KCNG2: variants seen among roughly 807,000 people sequenced by gnomAD.
The protein encoded by KCNG2 is voltage-gated potassium channel regulatory subunit KCNG2.
Under a neutral mutation model 12.3 loss-of-function variants are expected in KCNG2, and 7 were observed. That is an observed-to-expected ratio of 0.57 (90% CI 0.32 to 1.07). The LOEUF is 1.07. Among genes scored for constraint, KCNG2 ranks in the 50% least tolerant of loss-of-function variants. The pLI is 0.04. For synonymous variants in KCNG2, 414 were observed against 351.4 expected, an observed-to-expected ratio of 1.18 and a Z score of -1.99; for missense variants, 703 against 726.0, an observed-to-expected ratio of 0.97 and a Z score of 0.36.
At chr18:79,843,686 T>C (rs1177121150) in intron 1 of KCNG2, among the ~76,000 whole-genome samples, 1 of 152,184 alleles carries the variant, frequency 6.6e-6, no homozygotes, top group East Asian at 1.9e-4. Context: ...AGATATTTTA[T>C]GTATGCCTCA....
chr18:79,803,138 A>C lies in KCNG2; in HGVS notation c.-115+5124A>C, dbSNP rs536846280. On this transcript the variant is annotated intron_variant, in intron 1 of 3. Coordinates refer to ENST00000316249, the MANE Select transcript of KCNG2 (RefSeq NM_012283.2). The surrounding 1 kb of genome is among the most constrained non-coding windows in gnomAD (Gnocchi z 4.5). Reference sequence around the variant, plus strand: ...GCTTGCAGTGAGCCGAGATCGCGCCACTGCACTCCAGCCTGGGTGACAGAG... The same window carrying C: ...GCTTGCAGTGAGCCGAGATCGCGCCCCTGCACTCCAGCCTGGGTGACAGAG... Among the ~76,000 whole-genome samples the C allele has an allele frequency of 1.3e-5, 2 of 152,314 alleles. No homozygotes were observed. The highest frequency in any genetic ancestry group is 2.9e-5 in the Non-Finnish European group (2 of 68,020).
At chr18:79,828,921 T>A (rs1352238499) in intron 1 of KCNG2, among the ~76,000 whole-genome samples, 2 of 139,170 alleles carry the variant, frequency 1.4e-5, no homozygotes. Flanking sequence ...TCTGTGTGTG[T>A]CTATGTGTGC....
intron 3 of KCNG2, among the ~76,000 whole-genome samples, chr18:79,874,879 C>T (rs1840117328): frequency 6.6e-6 from 1 of 152,188 alleles, no homozygotes; most frequent in South Asian, 2.1e-4. Flanking sequence ...TTCCCTCTTC[C>T]CCATCGCCAT....
At chr18:79,806,891 G>A (rs1440414228) in intron 1 of KCNG2, among the ~76,000 whole-genome samples, 1 of 152,192 alleles carries the variant, frequency 6.6e-6, no homozygotes, top group Non-Finnish European at 1.5e-5. Context: ...TTGACTTAAG[G>A]CTAGAAAGAG....
At chr18:79,863,092 G>T (rs1468116210) in intron 2 of KCNG2, among the ~76,000 whole-genome samples, 1 of 152,230 alleles carries the variant, frequency 6.6e-6, no homozygotes, top group South Asian at 2.1e-4. Flanking sequence ...TTGTGTTAAG[G>T]TAGGGATGGA....
intron 2 of KCNG2, among the ~76,000 whole-genome samples, chr18:79,856,742 C>G (rs1456607084): frequency 1.3e-5 from 2 of 152,108 alleles, no homozygotes; most frequent in South Asian, 4.1e-4. Flanking sequence ...GCACGCTAGG[C>G]TTCTTCGACA....
At chr18:79,806,586 C>CT (rs961371121) in intron 1 of KCNG2, among the ~76,000 whole-genome samples, 5 of 152,200 alleles carry the variant, frequency 3.3e-5, no homozygotes, top group African/African-American at 9.7e-5. Flanking sequence ...GAGAGGTTGT[C>CT]TTTTATCTCT....
chr18:79,839,866 G>A (rs1978408061), intron 1 of KCNG2, among the ~76,000 whole-genome samples: 1 of 152,152 alleles, frequency 6.6e-6, no homozygotes, highest in South Asian at 2.1e-4. Flanking sequence ...ATATTGACAG[G>A]CTAAAGAAAA....
At chr18:79,888,456 CATG>C (rs1293664692) in intron 3 of KCNG2, among the ~76,000 whole-genome samples, 1 of 127,894 alleles carries the variant, frequency 7.8e-6, no homozygotes, top group African/African-American at 2.6e-5. Flanking sequence ...GCGTCCTCCT[CATG>C]AGGCCGCGGT....
intron 1 of KCNG2, among the ~76,000 whole-genome samples, chr18:79,829,175 A>C (rs1364418185): frequency 1.5e-4 from 20 of 134,146 alleles, no homozygotes; most frequent in Non-Finnish European, 2.5e-4. Flanking sequence ...TAACATGTCC[A>C]TGATGTGTGC....
intron 1 of KCNG2, among the ~76,000 whole-genome samples, chr18:79,830,804 G>C (rs898613210): frequency 7.3e-5 from 10 of 137,130 alleles, no homozygotes; most frequent in African/African-American, 2.5e-4. Context: ...CCTTCGTCAG[G>C]AGGGTTCCCT....
At chr18:79,843,466 T>C (rs1978526919) in intron 1 of KCNG2, among the ~76,000 whole-genome samples, 1 of 152,194 alleles carries the variant, frequency 6.6e-6, no homozygotes, top group African/African-American at 2.4e-5. Flanking sequence ...ACTGTAATGG[T>C]GAGTCATAAG....
rs558787017 is a variant in KCNG2 at position 79,873,506 on chromosome 18, C to T, written c.624+9215C>T. The stretch of plus-strand genomic sequence containing the variant: ...GGCCCCTCTGAGCACATCCAGCCTG[C>T]GCTTGGCCTGTATGCAGCTGTGAGG... On this transcript the variant is annotated intron_variant, in intron 3 of 3. Transcript: ENST00000316249. Among the ~76,000 whole-genome samples the T allele has an allele frequency of 8.0e-4, 121 of 151,630 alleles. 1 individual carries two copies. Among genetic ancestry groups the T allele is most frequent in the African/African-American group, 2.8e-3 (115 of 41,378 alleles).
At chr18:79,801,729 C>G (rs920534184) in intron 1 of KCNG2, among the ~76,000 whole-genome samples, 3 of 152,236 alleles carry the variant, frequency 2.0e-5, no homozygotes, top group African/African-American at 7.2e-5. Context: ...CCCGAAGAGG[C>G]AAATGTATTC....
chr18:79,827,358 TAA>T (rs1437113270), intron 1 of KCNG2, among the ~76,000 whole-genome samples: 1 of 152,212 alleles, frequency 6.6e-6, no homozygotes, highest in African/African-American at 2.4e-5. Flanking sequence ...ATCGTGCCTC[TAA>T]AGAGTTCTGT....
intron 1 of KCNG2, among the ~76,000 whole-genome samples, chr18:79,821,020 TA>T (rs1319363680): frequency 6.6e-6 from 1 of 152,202 alleles, no homozygotes; most frequent in Non-Finnish European, 1.5e-5. Context: ...ATGTTCTTGA[TA>T]TTAAGCCCTT....
chr18:79,809,396 G>T (rs1378567327), intron 1 of KCNG2, among the ~76,000 whole-genome samples: 1 of 147,258 alleles, frequency 6.8e-6, no homozygotes, highest in East Asian at 2.1e-4. Context: ...CTGAGGAGCT[G>T]CCGGGGACAC....
rs3744886 is a variant in KCNG2, at chr18:79,899,561, G to T, written c.1146G>T (p.Gly382=). ...ACATGGTCCCGCGCAGCCTGCCCGG[G>T]CAGGTGGTGGCGCTCAGCAGCATCC... ...YGDMVPRSLP[G]QVVALSSILS... The change falls in exon 4 of 4, where the codon GGG becomes GGT. Residue 382 remains glycine, a synonymous_variant. Coordinates refer to ENST00000316249, the MANE Select transcript of KCNG2 (RefSeq NM_012283.2). 0.12 allele frequency: 197,381 copies of T among 1,600,286 alleles called. 13,366 individuals carry two copies. Among genetic ancestry groups the T allele is most frequent in the Middle Eastern group, 0.15 (882 of 6,026 alleles).
chr18:79,858,333 A>G (rs374948951), intron 2 of KCNG2, among the ~76,000 whole-genome samples: 2 of 152,162 alleles, frequency 1.3e-5, no homozygotes, highest in Non-Finnish European at 2.9e-5. Flanking sequence ...TTCCCAGTAT[A>G]TGTGACCTTT....
Sources: allele counts gnomAD v4.1 joint callset (sites outside exome capture counted in the v4.1 genomes callset), GRCh38; gene constraint gnomAD v4.1.1; non-coding constraint Gnocchi (gnomAD v3.1); transcripts MANE v1.5; gene names NCBI Gene and HGNC (gene_info 2026-07-23, HGNC 2026-07-21).